The following CREBBP variants were observed in gnomAD, a reference collection of about 807,000 sequenced individuals.
CREBBP encodes the protein CREB binding lysine acetyltransferase.
In CREBBP, 19 loss-of-function variants were observed where a neutral mutation model predicts 265.0. The ratio of observed to expected loss-of-function variants is 0.07; its 90% CI spans 0.05 to 0.11. The LOEUF (loss-of-function observed/expected upper bound fraction) is 0.11, where lower values mean the gene tolerates loss of function less well. Ranked by LOEUF, CREBBP falls within the 10% of genes least tolerant of loss-of-function variation. CREBBP has a pLI of 1.00. For missense variants in CREBBP, 2,525 were observed against 3,219.0 expected (o/e 0.78, Z 5.22); for synonymous variants, 1,457 against 1,223.7 (o/e 1.19, Z -3.98).
At chr16:3,794,424 A>T (rs1015772843) in intron 3 of CREBBP, among the ~76,000 whole-genome samples, 1 of 151,938 alleles carries the variant, frequency 6.6e-6, no homozygotes, top group Non-Finnish European at 1.5e-5. Flanking sequence ...AGCAAAAAGA[A>T]TCAGAGCCAC....
chr16:3,777,151 C>G (rs1035069115), intron 11 of CREBBP, among the ~76,000 whole-genome samples: 1 of 151,828 alleles, frequency 6.6e-6, no homozygotes, highest in Non-Finnish European at 1.5e-5. Flanking sequence ...CTGGCTAACA[C>G]GGTGAAACCC....
chr16:3,818,935 C>T (rs573941577), intron 2 of CREBBP, among the ~76,000 whole-genome samples: 6 of 152,350 alleles, frequency 3.9e-5, no homozygotes, highest in African/African-American at 7.2e-5. Context: ...ACTCAGCAGA[C>T]GCTCCCCACA....
chr16:3,767,943 T>A (rs1469056024), intron 15 of CREBBP, 34 bp from the exon 16 acceptor site: 1 of 1,604,362 alleles, frequency 6.2e-7, no homozygotes, highest in South Asian at 1.1e-5. Context: ...CATATGAATA[T>A]CAAACACCTT....
chr16:3,734,221 T>C (rs970864497), intron 28 of CREBBP, among the ~76,000 whole-genome samples: 12 of 152,064 alleles, frequency 7.9e-5, no homozygotes, highest in Non-Finnish European at 1.5e-4. Flanking sequence ...GCAGAGCTAA[T>C]AGCAAAGCAG....
At chr16:3,776,169 C>T (rs1222830568) in intron 11 of CREBBP, among the ~76,000 whole-genome samples, 3 of 151,762 alleles carry the variant, frequency 2.0e-5, no homozygotes, top group East Asian at 1.9e-4. Context: ...CCTCCTGCTT[C>T]GGCCTCCCAA....
At chr16:3,740,350 C>A (rs374394028) in intron 24 of CREBBP, 49 bp downstream of exon 24, 79 of 1,608,888 alleles carry the variant, frequency 4.9e-5, no homozygotes, top group Non-Finnish European at 6.0e-5. Context: ...CTCTGGCAAG[C>A]GGGCGTGGGG....
intron 2 of CREBBP, among the ~76,000 whole-genome samples, chr16:3,815,124 T>A (rs1349566493): frequency 1.3e-5 from 2 of 152,236 alleles, no homozygotes; most frequent in African/African-American, 4.8e-5. Context: ...CTGAGCACTG[T>A]GGTCCCCCAC....
chr16:3,784,601 G>A (rs1296088712), intron 5 of CREBBP: 2 of 152,174 alleles, frequency 1.3e-5, no homozygotes, highest in Admixed American at 6.5e-5. Flanking sequence ...ACAACCTTGC[G>A]CTGTAAGGAA....
intron 3 of CREBBP, among the ~76,000 whole-genome samples, chr16:3,804,343 G>C (rs2053786054): frequency 1.3e-5 from 2 of 152,088 alleles, no homozygotes; most frequent in Non-Finnish European, 2.9e-5. Context: ...AAGGATTAGA[G>C]GGAAAAAAAG....
chr16:3,862,841 G>C (rs2055104926), intron 1 of CREBBP, among the ~76,000 whole-genome samples: 1 of 152,148 alleles, frequency 6.6e-6, no homozygotes, highest in Non-Finnish European at 1.5e-5. Flanking sequence ...TCTTTTCTCA[G>C]TGTCCTTTCC....
intron 25 of CREBBP, 56 bp from the exon 26 acceptor site, chr16:3,738,728 C>A: frequency 8.8e-7 from 1 of 1,133,046 alleles, no homozygotes; most frequent in Non-Finnish European, 1.3e-6. Context: ...TGAAATCAAA[C>A]ACAAGCAACA....
At chr16:3,819,530 A>G (rs911161551) in intron 2 of CREBBP, among the ~76,000 whole-genome samples, 1 of 152,192 alleles carries the variant, frequency 6.6e-6, no homozygotes, top group African/African-American at 2.4e-5. Context: ...TGGTTCCAAC[A>G]TGTAGGACGA....
At chr16:3,785,712 C>T (rs1473374287) in intron 5 of CREBBP, among the ~76,000 whole-genome samples, 2 of 152,206 alleles carry the variant, frequency 1.3e-5, no homozygotes, top group African/African-American at 4.8e-5. Flanking sequence ...TCTATTTATC[C>T]TTTCTGTATT....
At chr16:3,768,160 TTTTTTTTTTG>T (rs1474673423) in intron 15 of CREBBP, among the ~76,000 whole-genome samples, 2 of 128,932 alleles carry the variant, frequency 1.6e-5, no homozygotes, top group Admixed American at 7.8e-5. Context: ...TTTTTTTTTT[TTTTTTTTTTG>T]AGACAGAGTC....
chr16:3,749,579 G>T (rs1166626192), intron 21 of CREBBP, 48 bp downstream of exon 21: 4 of 1,381,550 alleles, frequency 2.9e-6, no homozygotes, highest in East Asian at 4.6e-5. Context: ...TAACTTTACC[G>T]ATTTCAAACC....
rs765600316 is a variant in CREBBP at position 3,729,210 on chromosome 16, G to A, written c.5837C>T (p.Pro1946Leu). 6 of 1,526,734 alleles carry A rather than the reference G, an allele frequency of 3.9e-6. No homozygotes were observed. Among genetic ancestry groups the A allele is most frequent in the Non-Finnish European group, 5.3e-6 (6 of 1,141,520 alleles). The allele number at this position is 1,526,734 out of a possible 1,614,324, so 94.6% of individuals were successfully genotyped here. Residue 1946 changes from proline to leucine, a missense_variant, in exon 31 of 31, where the codon CCA becomes CTA. Physicochemically the swap from Pro to Leu is moderately conservative, Grantham distance 98 (BLOSUM62 -3). Coordinates refer to ENST00000262367, the MANE Select transcript of CREBBP (RefSeq NM_004380.3). Reference protein sequence around the residue: ...GKPTSQVPAPPPPAQPPPAAV... With the variant: ...GKPTSQVPAPLPPAQPPPAAV... ...TGCAGGAGGGGGCTGGGCCGGGGGT[G>A]GGGGGGCCGGCACCTGGCTGGTAGG... is the stretch of plus-strand genomic sequence containing the variant.
intron 2 of CREBBP, among the ~76,000 whole-genome samples, chr16:3,845,271 G>C (rs2054642960): frequency 6.6e-6 from 1 of 152,170 alleles, no homozygotes; most frequent in Non-Finnish European, 1.5e-5. Context: ...ATAAAGTGTA[G>C]ACAGAGTTGA....
At chr16:3,824,686 A>G (rs1261278834) in intron 2 of CREBBP, among the ~76,000 whole-genome samples, 3 of 152,182 alleles carry the variant, frequency 2.0e-5, no homozygotes, top group East Asian at 3.9e-4. Context: ...ACGCGGCGGC[A>G]GCAGCACGCC....
chr16:3,784,197 C>A (rs1162064812), intron 5 of CREBBP, among the ~76,000 whole-genome samples: 1 of 152,124 alleles, frequency 6.6e-6, no homozygotes, highest in East Asian at 1.9e-4. Flanking sequence ...TTCTCACATT[C>A]AACCATCAGC....
Sources: allele counts gnomAD v4.1 joint callset (sites outside exome capture counted in the v4.1 genomes callset), GRCh38; gene constraint gnomAD v4.1.1; transcripts MANE v1.5; gene names NCBI Gene and HGNC (gene_info 2026-07-23, HGNC 2026-07-21).